ZNF475: variants seen among roughly 807,000 people sequenced by gnomAD.
The protein encoded by ZNF475 is zinc finger protein 475.
At chr5:122,179,569 C>T in the ZNF475 span, 1 of 1,515,824 alleles carries the variant, frequency 6.6e-7, no homozygotes, top group Non-Finnish European at 8.8e-7. Flanking sequence ...ATACGGCGTC[C>T]ACCAGCAGTT....
chr5:122,163,460 A>G, the ZNF475 span: 1 of 152,082 alleles, frequency 6.6e-6, no homozygotes, highest in Admixed American at 6.6e-5. Context: ...GGGAACGCTC[A>G]CTCTTACTTC....
At chr5:122,177,307 C>T in the ZNF475 span, among the ~76,000 whole-genome samples, 3 of 152,146 alleles carry the variant, frequency 2.0e-5, no homozygotes, top group Admixed American at 6.5e-5. Flanking sequence ...CCAATGTGGG[C>T]GGGCATAATA....
At chr5:122,173,560 G>C in the ZNF475 span, among the ~76,000 whole-genome samples, 29 of 152,186 alleles carry the variant, frequency 1.9e-4, no homozygotes, top group Admixed American at 1.6e-3. Flanking sequence ...CTGGCCTAAA[G>C]CATTGAACAT....
At chr5:122,167,962 T>C in the ZNF475 span, among the ~76,000 whole-genome samples, 1 of 152,236 alleles carries the variant, frequency 6.6e-6, no homozygotes, top group Non-Finnish European at 1.5e-5. Flanking sequence ...TTCTTTTTTA[T>C]TGCTCAGTAA....
At chr5:122,162,589 T>C in the ZNF475 span, 1 of 152,226 alleles carries the variant, frequency 6.6e-6, no homozygotes, top group East Asian at 1.9e-4. Flanking sequence ...GTTGAAATTA[T>C]GTTTTAAATG....
At chr5:122,173,775 G>A in the ZNF475 span, among the ~76,000 whole-genome samples, 147 of 152,316 alleles carry the variant, frequency 9.7e-4, no homozygotes, top group Non-Finnish European at 1.7e-3. Context: ...TGAGAGCACA[G>A]AAACAAAATT....
the ZNF475 span, chr5:122,179,576 A>T: frequency 3.3e-6 from 5 of 1,521,844 alleles, no homozygotes; most frequent in South Asian, 4.9e-5. Flanking sequence ...GTCCACCAGC[A>T]GTTGTTTGCT....
At chr5:122,163,867 C>T in the ZNF475 span, among the ~76,000 whole-genome samples, 1 of 152,146 alleles carries the variant, frequency 6.6e-6, no homozygotes, top group Non-Finnish European at 1.5e-5. Flanking sequence ...GGCTTCAAGC[C>T]TCTTGTCAAG....
At chr5:122,165,575 G>C in the ZNF475 span, among the ~76,000 whole-genome samples, 95 of 152,224 alleles carry the variant, frequency 6.2e-4, no homozygotes, top group African/African-American at 2.2e-3. Flanking sequence ...TTTGCTCCAA[G>C]TCACGGTTCA....
the ZNF475 span, among the ~76,000 whole-genome samples, chr5:122,164,713 G>A: frequency 6.6e-6 from 1 of 152,174 alleles, no homozygotes; most frequent in African/African-American, 2.4e-5. Flanking sequence ...CAAAAGTCCA[G>A]GATCCTAGGG....
At chr5:122,166,541 G>T in the ZNF475 span, among the ~76,000 whole-genome samples, 1 of 152,078 alleles carries the variant, frequency 6.6e-6, no homozygotes, top group African/African-American at 2.4e-5. Flanking sequence ...CCCACCCTGT[G>T]TCCAAATGTT....
chr5:122,179,208 G>A, the ZNF475 span, among the ~76,000 whole-genome samples: 2 of 152,140 alleles, frequency 1.3e-5, no homozygotes, highest in African/African-American at 4.8e-5. Context: ...GCTTAGGATT[G>A]TCTTAGTTAT....
At chr5:122,166,198 C>A in the ZNF475 span, among the ~76,000 whole-genome samples, 2 of 152,124 alleles carry the variant, frequency 1.3e-5, no homozygotes, top group African/African-American at 4.8e-5. Flanking sequence ...ACAAGGGGAG[C>A]CTTTCAGTAT....
chr5:122,170,222 T>C, the ZNF475 span, among the ~76,000 whole-genome samples: 1 of 152,078 alleles, frequency 6.6e-6, no homozygotes, highest in Admixed American at 6.5e-5. Context: ...CAACAACCAG[T>C]TCTCTAGTTC....
the ZNF475 span, among the ~76,000 whole-genome samples, chr5:122,167,910 A>G: frequency 0.04 from 6,058 of 152,302 alleles, 400 homozygotes; most frequent in African/African-American, 0.14. Context: ...TTCTTTCAGC[A>G]TAATGATTCT....
At chr5:122,169,598 C>G in the ZNF475 span, among the ~76,000 whole-genome samples, 1 of 152,234 alleles carries the variant, frequency 6.6e-6, no homozygotes, top group South Asian at 2.1e-4. Flanking sequence ...GGACTTTAGT[C>G]TGTAGCCACA....
chr5:122,182,595 AGACT>A, the ZNF475 span: 2 of 1,535,470 alleles, frequency 1.3e-6, no homozygotes, highest in Middle Eastern at 1.7e-4. Context: ...CCTGCCAGAC[AGACT>A]GATTGTTCAC....
chr5:122,166,144 C>G, the ZNF475 span, among the ~76,000 whole-genome samples: 1 of 152,100 alleles, frequency 6.6e-6, no homozygotes, highest in Admixed American at 6.5e-5. Flanking sequence ...GGAGGGTAGA[C>G]AAGGGCAAGC....
At chr5:122,170,221 G>T in the ZNF475 span, among the ~76,000 whole-genome samples, 1 of 152,236 alleles carries the variant, frequency 6.6e-6, no homozygotes. Context: ...GCAACAACCA[G>T]TTCTCTAGTT....
Sources: allele counts gnomAD v4.1 joint callset (sites outside exome capture counted in the v4.1 genomes callset), GRCh38; gene constraint gnomAD v4.1.1; transcripts MANE v1.5; gene names NCBI Gene and HGNC (gene_info 2026-07-23, HGNC 2026-07-21).